Variants in DTD1 observed in about 807,000 individuals in gnomAD.
DTD1 encodes the protein D-aminoacyl-tRNA deacylase 1, also known as D-tyrosyl-tRNA deacylase 1 homolog.
In DTD1, 13 loss-of-function variants were observed where a neutral mutation model predicts 25.6. The observed-to-expected ratio is 0.51, with a 90% CI of 0.33 to 0.81. The LOEUF is 0.81. Ranked by LOEUF, DTD1 falls within the 30% of genes least tolerant of loss-of-function variation. The pLI, the probability that DTD1 is intolerant of heterozygous loss-of-function variation, is 0.02. For synonymous variants in DTD1, 110 were observed against 103.6 expected, an observed-to-expected ratio of 1.06 and a Z score of -0.37; for missense variants, 193 against 266.4, an observed-to-expected ratio of 0.72 and a Z score of 1.92.
At chr20:18,682,029 A>G (rs1397006891) in intron 4 of DTD1, among the ~76,000 whole-genome samples, 1 of 152,174 alleles carries the variant, frequency 6.6e-6, no homozygotes, top group African/African-American at 2.4e-5. Flanking sequence ...GTGCTGTTCT[A>G]TGGTACCTGC....
At position 18,648,951 on chromosome 20, in the gene DTD1, G is replaced by A. The variant is rs951238231; in HGVS notation, c.477+20718G>A. Reference sequence around the variant, plus strand: ...GCAGAGCTTGCAGTGAGCTGAGATCGCGCCACTGCACTCCAGCCTGGGCAA... The same window carrying A: ...GCAGAGCTTGCAGTGAGCTGAGATCACGCCACTGCACTCCAGCCTGGGCAA... On this transcript the variant is annotated intron_variant, in intron 4 of 5. Transcript: ENST00000377452. Among the ~76,000 whole-genome samples the A allele has an allele frequency of 4.8e-5, 6 of 124,162 alleles. No individual in the cohort carries two copies. The Admixed American group carries it at 5.4e-4, about 11-fold the overall frequency. The allele number at this position is 124,162 out of a possible 152,430, so 81.5% of individuals were successfully genotyped here. A position where few individuals can be genotyped will look rare whatever the true frequency, so the allele number is the denominator to read the frequency against.
chr20:18,611,596 T>G (rs2060686715), intron 3 of DTD1, among the ~76,000 whole-genome samples: 1 of 152,222 alleles, frequency 6.6e-6, no homozygotes, highest in East Asian at 1.9e-4. Flanking sequence ...CGTTGTCCCC[T>G]TTGTTCCTTC....
chr20:18,724,041 A>T (rs2061214832), intron 4 of DTD1, among the ~76,000 whole-genome samples: 2 of 152,222 alleles, frequency 1.3e-5, no homozygotes, highest in Admixed American at 1.3e-4. Context: ...TCAAAGGCGG[A>T]AAAGGGAATG....
intron 4 of DTD1, among the ~76,000 whole-genome samples, chr20:18,637,502 C>G (rs2060811805): frequency 6.6e-6 from 1 of 152,138 alleles, no homozygotes; most frequent in African/African-American, 2.4e-5. Flanking sequence ...AATGAGTGTG[C>G]AAGATTGTAG....
intron 5 of DTD1, among the ~76,000 whole-genome samples, chr20:18,757,806 C>T (rs1216024842): frequency 6.6e-6 from 1 of 152,088 alleles, no homozygotes; most frequent in African/African-American, 2.4e-5. Context: ...AGGGAGGATT[C>T]CCTCTTTTTC....
chr20:18,713,945 G>C (rs184012383), intron 4 of DTD1, among the ~76,000 whole-genome samples: 1 of 152,290 alleles, frequency 6.6e-6, no homozygotes, highest in African/African-American at 2.4e-5. Context: ...GCACGGTCTG[G>C]GTTCTCATCC....
chr20:18,681,161 T>C (rs1293631462), intron 4 of DTD1, among the ~76,000 whole-genome samples: 1 of 152,160 alleles, frequency 6.6e-6, no homozygotes, highest in Non-Finnish European at 1.5e-5. Flanking sequence ...TAGGTGGTCC[T>C]GAGTACTGAG....
intron 4 of DTD1, among the ~76,000 whole-genome samples, chr20:18,716,764 C>T (rs2061182448): frequency 2.0e-5 from 3 of 152,208 alleles, no homozygotes; most frequent in Admixed American, 2.0e-4. Context: ...TTACCTGCTG[C>T]TAGCCTACTG....
intron 4 of DTD1, among the ~76,000 whole-genome samples, chr20:18,667,352 A>C (rs2122382752): frequency 6.6e-6 from 1 of 152,304 alleles, no homozygotes; most frequent in East Asian, 1.9e-4. Context: ...CAGAGTTCAA[A>C]GATGGCTCAG....
At chr20:18,632,766 A>G (rs1188170287) in intron 4 of DTD1, 2 of 683,174 alleles carry the variant, frequency 2.9e-6, no homozygotes, top group African/African-American at 3.9e-5. Flanking sequence ...GAACAAATGG[A>G]TGATGTGTGT....
chr20:18,730,615 A>G (rs1442872578), intron 4 of DTD1, among the ~76,000 whole-genome samples: 1 of 152,154 alleles, frequency 6.6e-6, no homozygotes, highest in Non-Finnish European at 1.5e-5. Flanking sequence ...TTTTAAATTG[A>G]TTGTGAATCT....
At chr20:18,753,214 C>G (rs2061327075) in intron 5 of DTD1, among the ~76,000 whole-genome samples, 1 of 152,192 alleles carries the variant, frequency 6.6e-6, no homozygotes. Context: ...CAGCTAGTGG[C>G]TGCTATTCTA....
chr20:18,654,035 G>A (rs1360297714), intron 4 of DTD1, among the ~76,000 whole-genome samples: 2 of 152,152 alleles, frequency 1.3e-5, no homozygotes, highest in Non-Finnish European at 2.9e-5. Flanking sequence ...ACTGAACTTC[G>A]TTAAATATGA....
Position 18,693,392 on chromosome 20 carries a change from C to T in DTD1, c.478-50708C>T, listed in dbSNP as rs546942047. On this transcript the variant is annotated intron_variant, in intron 4 of 5. Coordinates refer to ENST00000377452, the MANE Select transcript of DTD1 (RefSeq NM_080820.6). ...AAATTGAGGGCCAGGTGCGGTGGCTCATGCCTGTAATCCCAGCACTTTGGG... is the reference window on the plus strand; with the variant it reads ...AAATTGAGGGCCAGGTGCGGTGGCTTATGCCTGTAATCCCAGCACTTTGGG... 3.9e-5 allele frequency among the ~76,000 whole-genome samples: 6 copies of T among 152,028 alleles called. No individual in the cohort carries two copies. In the East Asian group the frequency reaches 7.8e-4, roughly 20 times the overall value.
In DTD1 at chr20:18,691,235, C is replaced by A. The variant is rs78978149; in HGVS notation, c.478-52865C>A. Among the ~76,000 whole-genome samples, 798 of 152,314 alleles carry A rather than the reference C, an allele frequency of 5.2e-3. 6 individuals are homozygous for A. Among genetic ancestry groups the A allele is most frequent in the South Asian group, 0.035 (168 of 4,824 alleles). On this transcript the variant is annotated intron_variant, in intron 4 of 5. Coordinates refer to ENST00000377452, the MANE Select transcript of DTD1 (RefSeq NM_080820.6). ...TCAAAGAACTTAGAACTATTAATATCATTCAACCCAGCAATCCCATTACTA... is the reference window on the plus strand; with the variant it reads ...TCAAAGAACTTAGAACTATTAATATAATTCAACCCAGCAATCCCATTACTA...
intron 3 of DTD1, among the ~76,000 whole-genome samples, chr20:18,612,342 TTTA>T (rs1461482419): frequency 6.6e-6 from 1 of 152,062 alleles, no homozygotes; most frequent in Admixed American, 6.6e-5. Flanking sequence ...CCCACACATG[TTTA>T]TTATTATTGT....
In DTD1 at chr20:18,711,414, T is replaced by C. The variant is rs531986706; in HGVS notation, c.478-32686T>C. 1.1e-4 allele frequency among the ~76,000 whole-genome samples: 16 copies of C among 152,308 alleles called. No individual in the cohort carries two copies. In the South Asian group the frequency reaches 1.7e-3, roughly 16 times the overall value. On this transcript the variant is annotated intron_variant, in intron 4 of 5. Transcript: ENST00000377452. ...CTGTGACCTGTGAACTCTCCCTAGG[T>C]GGTCAGATGGAGCTCCCATGGGGCT...
intron 4 of DTD1, among the ~76,000 whole-genome samples, chr20:18,633,994 C>G (rs1427414196): frequency 6.6e-6 from 1 of 152,206 alleles, no homozygotes; most frequent in Non-Finnish European, 1.5e-5. Context: ...CATTCTTGCT[C>G]CAAATGACAT....
chr20:18,706,320 C>T (rs1315046528), intron 4 of DTD1, among the ~76,000 whole-genome samples: 1 of 152,214 alleles, frequency 6.6e-6, no homozygotes, highest in Non-Finnish European at 1.5e-5. Flanking sequence ...GGGGGGATTG[C>T]TCTTCGTTGG....
Sources: allele counts gnomAD v4.1 joint callset (sites outside exome capture counted in the v4.1 genomes callset), GRCh38; gene constraint gnomAD v4.1.1; transcripts MANE v1.5; gene names NCBI Gene and HGNC (gene_info 2026-07-23, HGNC 2026-07-21).